Variants in MLLT1 observed in about 807,000 individuals in gnomAD.
MLLT1 encodes protein ENL.
In MLLT1, 11 loss-of-function variants were observed where a neutral mutation model predicts 55.1. The observed-to-expected ratio is 0.20, with a 90% CI of 0.13 to 0.33. The LOEUF (loss-of-function observed/expected upper bound fraction) is 0.33, where lower values mean the gene tolerates loss of function less well. MLLT1 is among the 10% of genes least tolerant of loss of function. The pLI is 1.00. For missense variants in MLLT1, 536 were observed against 760.6 expected (o/e 0.70, Z 3.47); for synonymous variants, 323 against 320.1 (o/e 1.01, Z -0.10).
At chr19:6,278,837 T>A (rs2091441794) in intron 1 of MLLT1, among the ~76,000 whole-genome samples, 1 of 151,650 alleles carries the variant, frequency 6.6e-6, no homozygotes, top group Non-Finnish European at 1.5e-5. Flanking sequence ...CCCCGCCGGG[T>A]CCGAGGGAGA....
intron 7 of MLLT1, 103 bp from the exon 8 acceptor site, chr19:6,216,616 G>T: frequency 1.3e-6 from 1 of 792,066 alleles, no homozygotes; most frequent in Non-Finnish European, 2.0e-6. Flanking sequence ...TGACACTGGT[G>T]ACCCCCAAAT....
In MLLT1 at chr19:6,235,562, C is replaced by A. The variant is rs113821555; in HGVS notation, c.277-4849G>T. ...GCTCTGCCCACTGCCTGGCACAGGG[C>A]ACCCTGGGGCTCGGAACTGGGTCCT... On this transcript the variant is annotated intron_variant, in intron 3 of 11. Coordinates refer to ENST00000252674, the MANE Select transcript of MLLT1 (RefSeq NM_005934.4). The surrounding 1 kb of genome is among the most constrained non-coding windows in gnomAD (Gnocchi z 5.5). Among the ~76,000 whole-genome samples, 29 of 152,294 alleles carry A rather than the reference C, an allele frequency of 1.9e-4. 1 individual carries two copies. Among genetic ancestry groups the A allele is most frequent in the African/African-American group, 7.0e-4 (29 of 41,568 alleles).
intron 3 of MLLT1, among the ~76,000 whole-genome samples, chr19:6,243,522 C>T (rs576912961): frequency 2.0e-5 from 3 of 152,322 alleles, no homozygotes; most frequent in Non-Finnish European, 2.9e-5. Context: ...GAAGCCACGG[C>T]CACAGAGCTT....
intron 3 of MLLT1, among the ~76,000 whole-genome samples, chr19:6,237,485 C>A (rs112283441): frequency 6.6e-6 from 1 of 151,808 alleles, no homozygotes; most frequent in Non-Finnish European, 1.5e-5. Flanking sequence ...TGGCCAGGCG[C>A]GGTGGCTCAC....
chr19:6,242,044 G>A (rs758296870), intron 3 of MLLT1, among the ~76,000 whole-genome samples: 11 of 152,214 alleles, frequency 7.2e-5, no homozygotes, highest in African/African-American at 9.6e-5. Flanking sequence ...GCGTTGCTCC[G>A]CTTCTGCGCC....
intron 3 of MLLT1, among the ~76,000 whole-genome samples, chr19:6,238,727 G>A (rs752131963): frequency 1.3e-5 from 2 of 152,130 alleles, no homozygotes; most frequent in African/African-American, 4.8e-5. Context: ...GGAGCCCTCC[G>A]CCAGGGCCTT....
At chr19:6,247,223 G>A (rs548194387) in intron 3 of MLLT1, among the ~76,000 whole-genome samples, 135 of 152,312 alleles carry the variant, frequency 8.9e-4, no homozygotes, top group Non-Finnish European at 1.4e-3. Flanking sequence ...TGTCATATGA[G>A]AGAACCTAAA....
At position 6,211,824 on chromosome 19, in the gene MLLT1, C is replaced by T. The variant is rs1249994533; in HGVS notation, c.*1218G>A. 5.6e-6 allele frequency: 6 copies of T among 1,063,914 alleles called. No individual in the cohort carries two copies. Among genetic ancestry groups the T allele is most frequent in the Non-Finnish European group, 5.7e-6 (5 of 878,314 alleles). The allele number at this position is 1,063,914 out of a possible 1,614,324, so 65.9% of individuals were successfully genotyped here. A position where few individuals can be genotyped will look rare whatever the true frequency, so the allele number is the denominator to read the frequency against. On this transcript the variant is annotated 3_prime_UTR_variant, in exon 12 of 12. Coordinates refer to ENST00000252674, the MANE Select transcript of MLLT1 (RefSeq NM_005934.4). The surrounding 1 kb of genome is among the most constrained non-coding windows in gnomAD (Gnocchi z 4.6). ...GGGCCGGGAAGGAGGACCGGCTTGGCCCCTGGAGAATCTCAGGCATACCAG... is the reference window on the plus strand; with the variant it reads ...GGGCCGGGAAGGAGGACCGGCTTGGTCCCTGGAGAATCTCAGGCATACCAG...
rs1232848361 is a variant in MLLT1 at position 6,252,810 on chromosome 19, G to T, written c.276+9418C>A. ...AACTAAATTGACAAACCTTTGGCTA[G>T]TATTTAAAAAAAAGAACATAAATAA... On this transcript the variant is annotated intron_variant, in intron 3 of 11. Coordinates refer to ENST00000252674, the MANE Select transcript of MLLT1 (RefSeq NM_005934.4). Among the ~76,000 whole-genome samples the T allele has an allele frequency of 3.9e-5, 6 of 151,912 alleles. No homozygotes were observed. The East Asian group carries it at 1.2e-3, about 29-fold the overall frequency.
chr19:6,274,048 G>C (rs2091414652), intron 1 of MLLT1, among the ~76,000 whole-genome samples: 1 of 152,274 alleles, frequency 6.6e-6, no homozygotes, highest in African/African-American at 2.4e-5. Flanking sequence ...GTGCTGCCCA[G>C]GCGACACTGA....
Position 6,212,892 on chromosome 19 carries a change from G to T in MLLT1, c.*150C>A, listed in dbSNP as rs910353489. On this transcript the variant is annotated 3_prime_UTR_variant, in exon 12 of 12. Transcript: ENST00000252674. ...GAGCGGGGAGAGTGGGCAGGGAGCC[G>T]CCGAGGAAAGTGCAGCGGGCTGTGC... The T allele has an allele frequency of 1.8e-6, 2 of 1,105,918 alleles. No individual in the cohort carries two copies. Among genetic ancestry groups the T allele is most frequent in the South Asian group, 1.6e-5 (1 of 61,876 alleles). The allele number at this position is 1,105,918 out of a possible 1,614,324, so 68.5% of individuals were successfully genotyped here. A position where few individuals can be genotyped will look rare whatever the true frequency, so the allele number is the denominator to read the frequency against.
chr19:6,228,729 C>G (rs988368096), intron 4 of MLLT1, among the ~76,000 whole-genome samples: 1 of 152,124 alleles, frequency 6.6e-6, no homozygotes, highest in Non-Finnish European at 1.5e-5. Context: ...CGAGAGGAGC[C>G]CCTGCCACCG....
chr19:6,259,808 A>AAAAAAAAAC (rs1833952071), intron 3 of MLLT1: 1 of 151,338 alleles, frequency 6.6e-6, no homozygotes, highest in African/African-American at 2.4e-5. Flanking sequence ...TTAAAAAAAA[A>AAAAAAAAAC]AAAAAAAAAA....
chr19:6,262,387 C>A lies in MLLT1; in HGVS notation c.194-77G>T. The A allele has an allele frequency of 4.8e-6, 6 of 1,255,328 alleles. No individual in the cohort carries two copies. Among genetic ancestry groups the A allele is most frequent in the Non-Finnish European group, 6.9e-6 (6 of 872,430 alleles). The allele number at this position is 1,255,328 out of a possible 1,614,324, so 77.8% of individuals were successfully genotyped here. The stretch of plus-strand genomic sequence containing the variant: ...CCAGCTGCCAGCGGCAGTACCGCAC[C>A]CCTCAACCCCACCACCTCCTCACAG... On this transcript the variant is annotated intron_variant, in intron 2 of 11. Coordinates refer to ENST00000252674, the MANE Select transcript of MLLT1 (RefSeq NM_005934.4). The surrounding 1 kb of genome is among the most constrained non-coding windows in gnomAD (Gnocchi z 4.4).
chr19:6,218,551 G>A (rs986948534), intron 6 of MLLT1, among the ~76,000 whole-genome samples: 1 of 152,222 alleles, frequency 6.6e-6, no homozygotes, highest in African/African-American at 2.4e-5. Context: ...TGCTCCTACC[G>A]CCAGCTGCCC....
intron 3 of MLLT1, among the ~76,000 whole-genome samples, chr19:6,247,241 A>G (rs961697375): frequency 6.6e-6 from 1 of 152,202 alleles, no homozygotes; most frequent in Non-Finnish European, 1.5e-5. Flanking sequence ...AAACGCAGTG[A>G]CAACTAAGCA....
chr19:6,223,656 A>C (rs1315737630), intron 5 of MLLT1, among the ~76,000 whole-genome samples: 1 of 152,166 alleles, frequency 6.6e-6, no homozygotes, highest in Non-Finnish European at 1.5e-5. Flanking sequence ...ACCATGGCTG[A>C]GTTGGCTCAG....
intron 3 of MLLT1, among the ~76,000 whole-genome samples, chr19:6,238,317 A>G (rs1002181099): frequency 1.3e-5 from 2 of 152,252 alleles, no homozygotes; most frequent in Non-Finnish European, 2.9e-5. Context: ...TAATTTACCA[A>G]TTTCTAGCCA....
chr19:6,269,843 C>CA (rs2091380794), intron 2 of MLLT1, among the ~76,000 whole-genome samples: 2 of 152,228 alleles, frequency 1.3e-5, no homozygotes, highest in African/African-American at 2.4e-5. Context: ...ATTTATCGAA[C>CA]CCCTGTGATG....
Sources: gnomAD v4.1 joint callset for allele counts (sites outside exome capture counted in the v4.1 genomes callset) on GRCh38, gnomAD v4.1.1 for gene constraint, Gnocchi (gnomAD v3.1) non-coding constraint, MANE v1.5 for transcripts, NCBI Gene and HGNC (gene_info 2026-07-23, HGNC 2026-07-21) for gene names.